METTL8: variants seen among roughly 807,000 people sequenced by gnomAD.
The protein encoded by METTL8 is methyltransferase 8, tRNA N3-cytidine, also known as tRNA N(3)-cytidine methyltransferase METTL8, mitochondrial.
Under a neutral mutation model 48.7 loss-of-function variants are expected in METTL8, and 32 were observed. That is an observed-to-expected ratio of 0.66 (90% CI 0.50 to 0.88). The LOEUF is 0.88. METTL8 is among the 40% of genes least tolerant of loss of function. METTL8 has a pLI of 0.00. For missense variants in METTL8, 464 were observed against 474.4 expected, an observed-to-expected ratio of 0.98 and a Z score of 0.20; for synonymous variants, 136 against 157.1, an observed-to-expected ratio of 0.87 and a Z score of 1.01.
chr2:171,391,678 G>T (rs184183874), intron 2 of METTL8, among the ~76,000 whole-genome samples: 2 of 152,150 alleles, frequency 1.3e-5, no homozygotes, highest in African/African-American at 4.8e-5. Flanking sequence ...ATCTGCATTT[G>T]CTGGATGACA....
At chr2:171,386,213 T>A (rs915227084) in intron 2 of METTL8, among the ~76,000 whole-genome samples, 2 of 152,104 alleles carry the variant, frequency 1.3e-5, no homozygotes, top group Non-Finnish European at 2.9e-5. Flanking sequence ...TAGGGTCTAA[T>A]GAAGAAAACA....
At chr2:171,365,917 T>C (rs1573995964) in intron 2 of METTL8, among the ~76,000 whole-genome samples, 1 of 152,250 alleles carries the variant, frequency 6.6e-6, no homozygotes. Context: ...GGACACATTC[T>C]AGACTGTGGT....
rs1278021664 is a variant in METTL8, at chr2:171,322,263, C to T, written c.*1909G>A. 1 of 151,760 alleles carries T rather than the reference C, an allele frequency of 6.6e-6. No homozygotes were observed. The highest frequency in any genetic ancestry group is 1.5e-5 in the Non-Finnish European group (1 of 67,962). The allele number at this position is 151,760 out of a possible 1,614,324, so 9.4% of individuals were successfully genotyped here. On this transcript the variant is annotated 3_prime_UTR_variant, in exon 10 of 10. Transcript: ENST00000375258. ...CGGGCTTGAGCGACTGCGCCCGGCCCTCGAGGGGATAAATACATTTTTAAC... is the reference window on the plus strand; with the variant it reads ...CGGGCTTGAGCGACTGCGCCCGGCCTTCGAGGGGATAAATACATTTTTAAC...
chr2:171,375,651 T>A (rs1686889197), intron 2 of METTL8, among the ~76,000 whole-genome samples: 1 of 152,234 alleles, frequency 6.6e-6, no homozygotes, highest in African/African-American at 2.4e-5. Flanking sequence ...TTTACTGTGT[T>A]GTTTGCTTTC....
intron 2 of METTL8, chr2:171,375,161 C>T (rs918278929): frequency 3.7e-5 from 55 of 1,472,966 alleles, no homozygotes; most frequent in Middle Eastern, 1.8e-4. Context: ...TTTCGAATGA[C>T]GAATTTCTTA....
At chr2:171,412,652 C>G (rs1276448620) in intron 1 of METTL8, among the ~76,000 whole-genome samples, 2 of 151,632 alleles carry the variant, frequency 1.3e-5, no homozygotes, top group African/African-American at 4.8e-5. Context: ...GCATTAGCAC[C>G]TTTGCCTAAA....
intron 1 of METTL8, among the ~76,000 whole-genome samples, chr2:171,404,075 A>G (rs1242700357): frequency 1.8e-5 from 2 of 111,742 alleles, no homozygotes; most frequent in East Asian, 4.5e-4. Context: ...ATATATATAT[A>G]TATATATATA....
intron 1 of METTL8, among the ~76,000 whole-genome samples, chr2:171,392,531 T>A (rs973747100): frequency 2.6e-5 from 4 of 152,194 alleles, no homozygotes; most frequent in Admixed American, 1.3e-4. Context: ...AGATTTTTTT[T>A]AAAGTAATTT....
At chr2:171,352,614 G>A (rs1684061663) in intron 3 of METTL8, among the ~76,000 whole-genome samples, 1 of 151,998 alleles carries the variant, frequency 6.6e-6, no homozygotes, top group African/African-American at 2.4e-5. Context: ...TTTTTTGGTT[G>A]GTAGGCTCTT....
intron 1 of METTL8, among the ~76,000 whole-genome samples, chr2:171,415,297 T>C (rs1273811591): frequency 6.6e-6 from 1 of 152,028 alleles, no homozygotes; most frequent in Non-Finnish European, 1.5e-5. Context: ...TTGTCACTGA[T>C]TGAAAGGCTC....
At chr2:171,366,808 C>T (rs1023570161) in intron 2 of METTL8, among the ~76,000 whole-genome samples, 2 of 150,534 alleles carry the variant, frequency 1.3e-5, no homozygotes, top group Non-Finnish European at 2.9e-5. Context: ...GTAGAAGAAT[C>T]GCTTGAGTAC....
intron 2 of METTL8, among the ~76,000 whole-genome samples, 175 bp from the exon 3 acceptor site, chr2:171,360,688 C>A (rs1182327608): frequency 2.0e-5 from 3 of 152,068 alleles, no homozygotes; most frequent in Non-Finnish European, 4.4e-5. Context: ...GCTGGTACAA[C>A]CCTGGAACTC....
rs139741645 is a variant in METTL8 at position 171,376,362 on chromosome 2, C to T, written c.143+15681G>A. On this transcript the variant is annotated intron_variant, in intron 2 of 9. Coordinates refer to ENST00000375258, the MANE Select transcript of METTL8 (RefSeq NM_001321154.2). ...GTTCCTTTGGTCTTCACTGTCTTCACACTTATCATAAAGGGCATCCAAATT... is the reference window on the plus strand; with the variant it reads ...GTTCCTTTGGTCTTCACTGTCTTCATACTTATCATAAAGGGCATCCAAATT... 1.4e-3 allele frequency among the ~76,000 whole-genome samples: 214 copies of T among 152,158 alleles called. 4 individuals carry two copies. In the East Asian group the frequency reaches 0.015, roughly 11 times the overall value.
intron 3 of METTL8, among the ~76,000 whole-genome samples, chr2:171,350,580 C>T (rs947868300): frequency 2.0e-5 from 3 of 152,192 alleles, no homozygotes; most frequent in Non-Finnish European, 2.9e-5. Flanking sequence ...GTCCCACCGA[C>T]AGTTTAAAAG....
At chr2:171,354,613 G>T in intron 3 of METTL8, among the ~76,000 whole-genome samples, 1 of 152,114 alleles carries the variant, frequency 6.6e-6, no homozygotes, top group Non-Finnish European at 1.5e-5. Flanking sequence ...ACGTAGATTT[G>T]GTCTTTTCAC....
intron 3 of METTL8, among the ~76,000 whole-genome samples, chr2:171,344,069 A>T (rs542920344): frequency 6.6e-6 from 1 of 152,350 alleles, no homozygotes; most frequent in South Asian, 2.1e-4. Context: ...CTCAGGAATT[A>T]GGAGAAAAGA....
chr2:171,372,861 AT>A (rs1211149510), intron 2 of METTL8, among the ~76,000 whole-genome samples: 1 of 151,964 alleles, frequency 6.6e-6, no homozygotes, highest in Non-Finnish European at 1.5e-5. Context: ...TATATGCCAT[AT>A]TTTCTTCATC....
At chr2:171,366,662 GA>G (rs573884843) in intron 2 of METTL8, among the ~76,000 whole-genome samples, 3 of 151,910 alleles carry the variant, frequency 2.0e-5, no homozygotes, top group Non-Finnish European at 4.4e-5. Flanking sequence ...AGAAATCTCA[GA>G]AAAAAATGAA....
At chr2:171,368,453 G>A (rs1219600406) in intron 2 of METTL8, among the ~76,000 whole-genome samples, 1 of 152,166 alleles carries the variant, frequency 6.6e-6, no homozygotes, top group Non-Finnish European at 1.5e-5. Context: ...ATTACAGTAT[G>A]TGTTTGCAAA....
Sources: allele counts gnomAD v4.1 joint callset (sites outside exome capture counted in the v4.1 genomes callset), GRCh38; gene constraint gnomAD v4.1.1; transcripts MANE v1.5; gene names NCBI Gene and HGNC (gene_info 2026-07-23, HGNC 2026-07-21).